Variants in CTNNA3 observed in about 807,000 individuals in gnomAD.
CTNNA3 encodes the protein catenin alpha 3.
Under a neutral mutation model 95.7 loss-of-function variants are expected in CTNNA3, and 76 were observed. The observed-to-expected ratio is 0.79, with a 90% CI of 0.66 to 0.96. The LOEUF is 0.96. CTNNA3 is among the 40% of genes least tolerant of loss of function. CTNNA3 has a pLI of 0.00. For missense variants in CTNNA3, 1,191 were observed against 1,089.8 expected, an observed-to-expected ratio of 1.09 and a Z score of -1.31; for synonymous variants, 431 against 374.4, an observed-to-expected ratio of 1.15 and a Z score of -1.74.
intron 7 of CTNNA3, among the ~76,000 whole-genome samples, chr10:66,784,144 C>A (rs981441288): frequency 1.3e-5 from 2 of 152,064 alleles, no homozygotes; most frequent in African/African-American, 4.8e-5. Flanking sequence ...TGGATGTATT[C>A]TTTGCTGATT....
At chr10:66,882,449 C>T (rs1316544806) in intron 7 of CTNNA3, among the ~76,000 whole-genome samples, 2 of 152,096 alleles carry the variant, frequency 1.3e-5, no homozygotes, top group Non-Finnish European at 2.9e-5. Context: ...ACTTGACTGC[C>T]TACACTCAAC....
chr10:67,636,894 T>C (rs1839334633), intron 2 of CTNNA3, among the ~76,000 whole-genome samples: 1 of 152,016 alleles, frequency 6.6e-6, no homozygotes, highest in Non-Finnish European at 1.5e-5. Context: ...CAAAGGTAGA[T>C]AAAACCACAA....
At chr10:67,542,887 G>A (rs1840726364) in intron 3 of CTNNA3, among the ~76,000 whole-genome samples, 2 of 152,038 alleles carry the variant, frequency 1.3e-5, no homozygotes. Flanking sequence ...AAAAGGTACA[G>A]GTTTCCTTTC....
rs375468838 is a variant in CTNNA3 at position 66,222,588 on chromosome 10, AAAAG to A, written c.1884+57878_1884+57881del. ...AAAGAAGGAAAGAAAGAAGGAAAGAAAAAGAAAGAACGAAAGAAAGAAAGAAAGA... is the reference window on the plus strand; with the variant it reads ...AAAGAAGGAAAGAAAGAAGGAAAGAAAAAGAACGAAAGAAAGAAAGAAAGA... On this transcript the variant is annotated intron_variant, in intron 13 of 17. Coordinates refer to ENST00000433211, the MANE Select transcript of CTNNA3 (RefSeq NM_013266.4). Among the ~76,000 whole-genome samples the A allele has an allele frequency of 3.9e-5, 5 of 127,796 alleles. No individual in the cohort carries two copies. In the South Asian group the frequency reaches 7.1e-4, roughly 18 times the overall value. 83.8% of individuals were successfully genotyped at this position (127,796 alleles called of 152,430 possible).
intron 6 of CTNNA3, among the ~76,000 whole-genome samples, chr10:67,213,639 A>T (rs936042780): frequency 6.6e-6 from 1 of 151,744 alleles, no homozygotes; most frequent in East Asian, 1.9e-4. Context: ...GTTATTATAC[A>T]TTATCATTAT....
chr10:67,257,667 G>GT (rs1326081074), intron 5 of CTNNA3, among the ~76,000 whole-genome samples: 1 of 151,908 alleles, frequency 6.6e-6, no homozygotes, highest in African/African-American at 2.4e-5. Context: ...TTTCGTGCAT[G>GT]TTTTTTTGGT....
intron 5 of CTNNA3, among the ~76,000 whole-genome samples, chr10:67,363,656 C>T (rs1843085875): frequency 6.6e-6 from 1 of 152,048 alleles, no homozygotes; most frequent in Non-Finnish European, 1.5e-5. Context: ...CCACCAATCC[C>T]ACAGAAATAG....
chr10:67,346,013 G>C (rs1056460781), intron 5 of CTNNA3, among the ~76,000 whole-genome samples: 1 of 151,830 alleles, frequency 6.6e-6, no homozygotes, highest in Admixed American at 6.6e-5. Context: ...TTTTTGGTTT[G>C]AGGCTTCCAT....
At chr10:66,887,776 C>A (rs1423695272) in intron 7 of CTNNA3, among the ~76,000 whole-genome samples, 1 of 152,046 alleles carries the variant, frequency 6.6e-6, no homozygotes, top group Non-Finnish European at 1.5e-5. Context: ...ATGCACAGAA[C>A]CAGAGGAAAA....
chr10:66,028,147 T>G (rs760547570), intron 15 of CTNNA3, among the ~76,000 whole-genome samples: 1 of 152,002 alleles, frequency 6.6e-6, no homozygotes, highest in Non-Finnish European at 1.5e-5. Flanking sequence ...AAAGGGAAAA[T>G]GGACTGTAAA....
At chr10:66,880,198 C>T (rs1341064321) in intron 7 of CTNNA3, among the ~76,000 whole-genome samples, 3 of 151,984 alleles carry the variant, frequency 2.0e-5, no homozygotes, top group Non-Finnish European at 2.9e-5. Flanking sequence ...TATCAGGTCC[C>T]CTTTCATCCT....
intron 10 of CTNNA3, among the ~76,000 whole-genome samples, chr10:66,588,243 C>T (rs1311978520): frequency 6.6e-6 from 1 of 152,126 alleles, no homozygotes; most frequent in African/African-American, 2.4e-5. Flanking sequence ...GTGGCAGTCT[C>T]TCCCCCTCTC....
intron 13 of CTNNA3, among the ~76,000 whole-genome samples, chr10:66,214,027 T>G (rs964968717): frequency 6.6e-6 from 1 of 152,140 alleles, no homozygotes; most frequent in African/African-American, 2.4e-5. Context: ...CTGTGTAATT[T>G]TGAAAGGATT....
In CTNNA3 at chr10:66,717,905, T is replaced by C. The variant is rs145670337; in HGVS notation, c.1281+48359A>G. Among the ~76,000 whole-genome samples, 649 of 152,290 alleles carry C rather than the reference T, an allele frequency of 4.3e-3. 1 individual carries two copies. The highest frequency in any genetic ancestry group is 0.015 in the African/African-American group (614 of 41,562). On this transcript the variant is annotated intron_variant, in intron 9 of 17. Coordinates refer to ENST00000433211, the MANE Select transcript of CTNNA3 (RefSeq NM_013266.4). ...TCTACCTCTGCCCTTATGAACCCAG[T>C]GTGTGGTTGTGAGTAATAAATGAAA...
At chr10:67,181,740 G>A (rs1293541419) in intron 6 of CTNNA3, among the ~76,000 whole-genome samples, 1 of 151,870 alleles carries the variant, frequency 6.6e-6, no homozygotes, top group Admixed American at 6.6e-5. Context: ...AATATTTGGG[G>A]ATTGAAAGTA....
intron 5 of CTNNA3, among the ~76,000 whole-genome samples, chr10:67,348,519 T>A (rs777688607): frequency 1.3e-5 from 2 of 152,014 alleles, no homozygotes; most frequent in African/African-American, 2.4e-5. Flanking sequence ...CAGCATCTGC[T>A]CCCAGTGAGG....
chr10:67,342,539 C>G (rs78398978), intron 5 of CTNNA3, among the ~76,000 whole-genome samples: 2,721 of 152,232 alleles, frequency 0.018, 86 homozygotes, highest in African/African-American at 0.06. Flanking sequence ...GAGATTTTCT[C>G]CAACGTTTTC....
intron 9 of CTNNA3, among the ~76,000 whole-genome samples, chr10:66,674,032 G>A (rs1371085582): frequency 6.7e-6 from 1 of 148,714 alleles, no homozygotes; most frequent in African/African-American, 2.5e-5. Flanking sequence ...TTTTTTTTTG[G>A]TCTGAAGCCT....
chr10:67,128,346 A>G (rs1170044633), intron 7 of CTNNA3, among the ~76,000 whole-genome samples: 1 of 152,196 alleles, frequency 6.6e-6, no homozygotes, highest in East Asian at 1.9e-4. Flanking sequence ...AGTCCTTCAT[A>G]GAAAGCCCAA....
Sources: gnomAD v4.1 joint callset for allele counts (sites outside exome capture counted in the v4.1 genomes callset) on GRCh38, gnomAD v4.1.1 for gene constraint, MANE v1.5 for transcripts, NCBI Gene and HGNC (gene_info 2026-07-23, HGNC 2026-07-21) for gene names.